The following TTC28 variants were observed in gnomAD, a reference collection of about 807,000 sequenced individuals.
TTC28 encodes tetratricopeptide repeat domain 28.
A neutral mutation model predicts 198.0 loss-of-function variants in TTC28; 61 were observed. That is an observed-to-expected ratio of 0.31 (90% CI 0.25 to 0.38). The LOEUF is 0.38. Ranked by LOEUF, TTC28 falls within the 10% of genes least tolerant of loss-of-function variation. TTC28 has a pLI of 1.00. For missense variants in TTC28, 2,678 were observed against 3,164.0 expected (o/e 0.85, Z 3.69); for synonymous variants, 1,171 against 1,297.8 (o/e 0.90, Z 2.10).
intron 2 of TTC28, among the ~76,000 whole-genome samples, chr22:28,493,489 C>T (rs557116753): frequency 9.9e-5 from 15 of 152,250 alleles, no homozygotes; most frequent in African/African-American, 3.6e-4. Flanking sequence ...ACAGGAATCA[C>T]ATCACAAGTA....
chr22:28,036,898 G>A (rs1267536712), intron 12 of TTC28, among the ~76,000 whole-genome samples: 2 of 152,100 alleles, frequency 1.3e-5, no homozygotes, highest in African/African-American at 4.8e-5. Context: ...ACACCTCTAC[G>A]CAAATAAACT....
At chr22:28,522,943 T>A (rs1226587273) in intron 2 of TTC28, among the ~76,000 whole-genome samples, 1 of 151,834 alleles carries the variant, frequency 6.6e-6, no homozygotes, top group Non-Finnish European at 1.5e-5. Flanking sequence ...ATGATAAAAA[T>A]CTTCTGGAAT....
chr22:28,285,491 T>C (rs1280654522), intron 5 of TTC28, among the ~76,000 whole-genome samples: 1 of 152,124 alleles, frequency 6.6e-6, no homozygotes, highest in Non-Finnish European at 1.5e-5. Flanking sequence ...TAACACACAG[T>C]ATGGTGACTA....
chr22:28,392,992 T>G (rs2046757696), intron 2 of TTC28, among the ~76,000 whole-genome samples: 1 of 145,748 alleles, frequency 6.9e-6, no homozygotes, highest in Non-Finnish European at 1.5e-5. Context: ...TCTTCCCACC[T>G]CAGCCTTCTG....
chr22:28,390,453 T>C (rs1278067654), intron 2 of TTC28, among the ~76,000 whole-genome samples: 1 of 152,134 alleles, frequency 6.6e-6, no homozygotes, highest in African/African-American at 2.4e-5. Context: ...TGTTAAAGTC[T>C]CCCATTATTA....
intron 5 of TTC28, among the ~76,000 whole-genome samples, chr22:28,245,146 A>C (rs134187): frequency 0.23 from 35,085 of 152,128 alleles, 4,879 homozygotes; most frequent in Admixed American, 0.4. Context: ...TTATATTCAC[A>C]AATGGTAGGG....
chr22:28,281,511 A>G (rs2044582292), intron 5 of TTC28, among the ~76,000 whole-genome samples: 1 of 152,168 alleles, frequency 6.6e-6, no homozygotes, highest in Non-Finnish European at 1.5e-5. Context: ...ATATTTGGAC[A>G]TAGTTACAGT....
intron 12 of TTC28, among the ~76,000 whole-genome samples, chr22:28,043,112 TG>T (rs1939720852): frequency 1.3e-5 from 2 of 151,504 alleles, no homozygotes; most frequent in African/African-American, 4.8e-5. Context: ...GGCATGGTGG[TG>T]GGCACCTGTA....
chr22:28,440,316 G>C (rs1311084123), intron 2 of TTC28, among the ~76,000 whole-genome samples: 1 of 152,130 alleles, frequency 6.6e-6, no homozygotes, highest in Non-Finnish European at 1.5e-5. Context: ...TGTTCTGACA[G>C]TTTCTTTGTG....
intron 6 of TTC28, among the ~76,000 whole-genome samples, chr22:28,121,236 T>C (rs1942778865): frequency 6.6e-6 from 1 of 152,210 alleles, no homozygotes; most frequent in East Asian, 1.9e-4. Flanking sequence ...ACTCACAGGA[T>C]TACAGAAACC....
chr22:28,338,002 T>C (rs577238115), intron 2 of TTC28, among the ~76,000 whole-genome samples: 2 of 152,312 alleles, frequency 1.3e-5, no homozygotes, highest in South Asian at 2.1e-4. Flanking sequence ...CCATGTTTAG[T>C]GCTTCCTTCA....
At chr22:28,349,194 C>A (rs1259398830) in intron 2 of TTC28, among the ~76,000 whole-genome samples, 1 of 152,080 alleles carries the variant, frequency 6.6e-6, no homozygotes, top group Non-Finnish European at 1.5e-5. Context: ...CACACACACA[C>A]AGACATGTAC....
intron 2 of TTC28, among the ~76,000 whole-genome samples, chr22:28,444,827 C>T (rs1329301232): frequency 6.6e-6 from 1 of 152,188 alleles, no homozygotes; most frequent in East Asian, 1.9e-4. Flanking sequence ...CACTGCCAGT[C>T]CCTGTTCCAA....
intron 21 of TTC28, among the ~76,000 whole-genome samples, chr22:27,988,051 C>T (rs1281546044): frequency 6.6e-6 from 1 of 151,716 alleles, no homozygotes; most frequent in Non-Finnish European, 1.5e-5. Context: ...CCAATCTCTA[C>T]AAAAAAAGTT....
intron 2 of TTC28, among the ~76,000 whole-genome samples, chr22:28,412,465 C>T (rs913536506): frequency 5.9e-5 from 9 of 152,200 alleles, no homozygotes; most frequent in African/African-American, 2.2e-4. Context: ...ACTCCTTAGC[C>T]TGGCATACAA....
chr22:28,545,959 G>A (rs902341880), intron 2 of TTC28, among the ~76,000 whole-genome samples: 5 of 152,134 alleles, frequency 3.3e-5, no homozygotes, highest in African/African-American at 1.2e-4. Flanking sequence ...AAGATTTTTT[G>A]TAGAAATCAG....
chr22:27,998,926 G>C lies in TTC28; in HGVS notation c.4733C>G (p.Thr1578Arg), dbSNP rs760122994. Residue 1578 changes from threonine to arginine, a missense_variant, in exon 16 of 23, where the codon ACG (threonine) becomes AGG (arginine). Thr to Arg is a moderately conservative substitution (Grantham distance 71). This residue lies in a region of TTC28 where 727 missense variants were observed against 861.9 expected (regional missense o/e 0.84). Transcript: ENST00000397906. ...CTGCACCCGCAAGGACTCAGGGATC[G>C]TGTAGGGGTGGCCGAAGGAGCTCTT... is the stretch of plus-strand genomic sequence containing the variant. The part of the protein sequence containing the change: ...SSKSSFGHPY[T>R]IPESLRVQDD... 1 of 1,550,678 alleles carries C rather than the reference G, an allele frequency of 6.4e-7. No homozygotes were observed. The highest frequency in any genetic ancestry group is 2.4e-5 in the East Asian group (1 of 40,932).
intron 2 of TTC28, among the ~76,000 whole-genome samples, chr22:28,426,522 C>T (rs2047352824): frequency 6.6e-6 from 1 of 152,070 alleles, no homozygotes; most frequent in South Asian, 2.1e-4. Context: ...ACATTCTAAC[C>T]CCAAGAGATC....
At chr22:28,412,203 G>A (rs2047091782) in intron 2 of TTC28, among the ~76,000 whole-genome samples, 3 of 152,186 alleles carry the variant, frequency 2.0e-5, no homozygotes. Flanking sequence ...AATGGAGGCT[G>A]TGCCAGATGG....
Sources: allele counts gnomAD v4.1 joint callset (sites outside exome capture counted in the v4.1 genomes callset), GRCh38; gene constraint gnomAD v4.1.1; regional missense constraint gnomAD v4.1.1; transcripts MANE v1.5; gene names NCBI Gene and HGNC (gene_info 2026-07-23, HGNC 2026-07-21).